The following GNA12 variants were observed in gnomAD, a reference collection of about 807,000 sequenced individuals.
The protein encoded by GNA12 is guanine nucleotide-binding protein subunit alpha-12.
In GNA12, 9 loss-of-function variants were observed where a neutral mutation model predicts 26.0. The ratio of observed to expected loss-of-function variants is 0.35; its 90% confidence interval spans 0.21 to 0.60. The LOEUF is 0.60. Ranked by LOEUF, GNA12 falls within the 20% of genes least tolerant of loss-of-function variation. GNA12 has a pLI of 0.78. For synonymous variants in GNA12, 264 were observed against 219.6 expected, an observed-to-expected ratio of 1.20 and a Z score of -1.79; for missense variants, 405 against 525.8, an observed-to-expected ratio of 0.77 and a Z score of 2.25.
chr7:2,792,393 T>C (rs1792542928), intron 2 of GNA12, among the ~76,000 whole-genome samples: 1 of 152,180 alleles, frequency 6.6e-6, no homozygotes, highest in African/African-American at 2.4e-5. Flanking sequence ...ACTTCCTAAA[T>C]TGGGAGGTCC....
intron 2 of GNA12, among the ~76,000 whole-genome samples, chr7:2,781,480 T>C (rs1333451684): frequency 6.6e-6 from 1 of 151,576 alleles, no homozygotes; most frequent in Non-Finnish European, 1.5e-5. Context: ...TTTATGTGGT[T>C]TGACTACTCT....
At chr7:2,737,395 TCTC>T (rs1328009914) in intron 2 of GNA12, among the ~76,000 whole-genome samples, 1 of 148,436 alleles carries the variant, frequency 6.7e-6, no homozygotes, top group Non-Finnish European at 1.5e-5. Context: ...TTCAAGCAAT[TCTC>T]CTGCCTCAGC....
At chr7:2,804,124 CACAA>C (rs1792883680) in intron 1 of GNA12, among the ~76,000 whole-genome samples, 1 of 152,202 alleles carries the variant, frequency 6.6e-6, no homozygotes, top group African/African-American at 2.4e-5. Context: ...AACTTGAGAA[CACAA>C]ACACACAAAA....
chr7:2,733,358 C>T, intron 3 of GNA12, 93 bp downstream of exon 3: 3 of 1,010,542 alleles, frequency 3.0e-6, no homozygotes, highest in Non-Finnish European at 4.6e-6. Flanking sequence ...CCTGTCAGTC[C>T]AGCCAAAGTC....
chr7:2,828,570 T>C (rs79355458), intron 1 of GNA12, among the ~76,000 whole-genome samples: 7 of 152,360 alleles, frequency 4.6e-5, no homozygotes, highest in African/African-American at 1.7e-4. Context: ...CAAAGTGTTG[T>C]CTACCAAGCT....
At chr7:2,815,450 C>G (rs567235782) in intron 1 of GNA12, among the ~76,000 whole-genome samples, 1 of 152,154 alleles carries the variant, frequency 6.6e-6, no homozygotes, top group African/African-American at 2.4e-5. Context: ...GATGACTCAG[C>G]GCAGGTTGGA....
At chr7:2,834,991 C>G (rs1237066739) in intron 1 of GNA12, among the ~76,000 whole-genome samples, 1 of 152,152 alleles carries the variant, frequency 6.6e-6, no homozygotes, top group Non-Finnish European at 1.5e-5. Flanking sequence ...CGATGCGTGA[C>G]TATACATCTG....
chr7:2,838,518 A>G (rs2114980916), intron 1 of GNA12, among the ~76,000 whole-genome samples: 1 of 152,326 alleles, frequency 6.6e-6, no homozygotes, highest in Non-Finnish European at 1.5e-5. Context: ...CAGGAGGTCA[A>G]GACTACAGTG....
At chr7:2,763,215 CA>C in intron 2 of GNA12, 1 of 437,074 alleles carries the variant, frequency 2.3e-6, no homozygotes, top group Non-Finnish European at 3.3e-6. Context: ...CACACACACA[CA>C]CACACACACA....
chr7:2,829,259 A>C (rs2114971175), intron 1 of GNA12, among the ~76,000 whole-genome samples: 1 of 152,240 alleles, frequency 6.6e-6, no homozygotes, highest in East Asian at 1.9e-4. Context: ...GAAAGCCTAG[A>C]ATTGGGAAAT....
intron 1 of GNA12, among the ~76,000 whole-genome samples, chr7:2,808,304 T>A (rs1792998175): frequency 6.6e-6 from 1 of 152,146 alleles, no homozygotes; most frequent in Non-Finnish European, 1.5e-5. Context: ...TGCACTTGGG[T>A]TAAGCCAGAG....
chr7:2,770,009 A>G (rs1161406665), intron 2 of GNA12, among the ~76,000 whole-genome samples: 1 of 152,202 alleles, frequency 6.6e-6, no homozygotes, highest in Non-Finnish European at 1.5e-5. Flanking sequence ...AAGGTTTATA[A>G]TAGGAAGTTA....
At chr7:2,744,885 G>C (rs969255797) in intron 2 of GNA12, among the ~76,000 whole-genome samples, 1 of 152,172 alleles carries the variant, frequency 6.6e-6, no homozygotes, top group Non-Finnish European at 1.5e-5. Flanking sequence ...GAAGCCTCAG[G>C]AGCCGATGCG....
At chr7:2,832,118 C>T (rs555054068) in intron 1 of GNA12, among the ~76,000 whole-genome samples, 10 of 152,328 alleles carry the variant, frequency 6.6e-5, no homozygotes, top group Non-Finnish European at 1.0e-4. Flanking sequence ...CCCAGGACAT[C>T]GTTAGACTAG....
At chr7:2,740,762 G>C (rs948318567) in intron 2 of GNA12, among the ~76,000 whole-genome samples, 7 of 152,146 alleles carry the variant, frequency 4.6e-5, no homozygotes, top group Admixed American at 3.9e-4. Context: ...TACAGATTTA[G>C]GGCTCGCCGC....
At chr7:2,734,225 C>T (rs147133035) in intron 2 of GNA12, among the ~76,000 whole-genome samples, 234 of 152,300 alleles carry the variant, frequency 1.5e-3, no homozygotes, top group African/African-American at 5.1e-3. Flanking sequence ...ACACGGGGCA[C>T]GGGAGGAGCC....
At chr7:2,737,375 G>A (rs1293283998) in intron 2 of GNA12, among the ~76,000 whole-genome samples, 4 of 138,292 alleles carry the variant, frequency 2.9e-5, no homozygotes, top group African/African-American at 1.1e-4. Flanking sequence ...TGCAACCTCT[G>A]CCTCCTGGGT....
At chr7:2,792,889 G>A (rs545856717) in intron 2 of GNA12, among the ~76,000 whole-genome samples, 1 of 152,196 alleles carries the variant, frequency 6.6e-6, no homozygotes, top group Non-Finnish European at 1.5e-5. Flanking sequence ...GGGTCTCAAT[G>A]TATCTCCCTA....
At chr7:2,776,474 T>TAA (rs1792079893) in intron 2 of GNA12, among the ~76,000 whole-genome samples, 1 of 152,096 alleles carries the variant, frequency 6.6e-6, no homozygotes, top group African/African-American at 2.4e-5. Context: ...AACGGGGAGT[T>TAA]AAAACCCTGG....
Sources: allele counts gnomAD v4.1 joint callset (sites outside exome capture counted in the v4.1 genomes callset), GRCh38; gene constraint gnomAD v4.1.1; transcripts MANE v1.5; gene names NCBI Gene and HGNC (gene_info 2026-07-23, HGNC 2026-07-21).